Variants in CAMTA1 observed in about 807,000 individuals in gnomAD.
The protein encoded by CAMTA1 is calmodulin-binding transcription activator 1.
Under a neutral mutation model 170.9 loss-of-function variants are expected in CAMTA1, and 27 were observed. The ratio of observed to expected loss-of-function variants is 0.16; its 90% CI spans 0.12 to 0.22. The LOEUF (loss-of-function observed/expected upper bound fraction) is 0.22, where lower values mean the gene tolerates loss of function less well. Among genes scored for constraint, CAMTA1 ranks in the 10% least tolerant of loss-of-function variants. The pLI is 1.00. For missense variants in CAMTA1, 1,619 were observed against 2,217.2 expected (o/e 0.73, Z 5.42); for synonymous variants, 833 against 891.5 (o/e 0.93, Z 1.17).
intron 3 of CAMTA1, among the ~76,000 whole-genome samples, chr1:6,830,333 C>T (rs1480795925): frequency 1.4e-5 from 2 of 147,598 alleles, no homozygotes; most frequent in African/African-American, 2.5e-5. Flanking sequence ...GGTGAGCCAC[C>T]GCACCTGGCC....
At chr1:7,359,953 G>A (rs1410271090) in intron 5 of CAMTA1, among the ~76,000 whole-genome samples, 1 of 152,128 alleles carries the variant, frequency 6.6e-6, no homozygotes, top group Non-Finnish European at 1.5e-5. Context: ...GGTGTGGGCA[G>A]GGCTGGTTTC....
intron 4 of CAMTA1, among the ~76,000 whole-genome samples, chr1:7,206,197 A>G (rs1029036241): frequency 6.6e-5 from 10 of 152,152 alleles, no homozygotes; most frequent in Non-Finnish European, 1.5e-4. Flanking sequence ...TCCCACATGA[A>G]CTATAGTATC....
chr1:7,058,267 G>A (rs1444007723), intron 3 of CAMTA1, among the ~76,000 whole-genome samples: 2 of 152,200 alleles, frequency 1.3e-5, no homozygotes, highest in African/African-American at 4.8e-5. Context: ...TCCTTGCCGT[G>A]CAGATTTGTT....
At chr1:7,523,261 G>C (rs2094389609) in intron 6 of CAMTA1, among the ~76,000 whole-genome samples, 1 of 152,110 alleles carries the variant, frequency 6.6e-6, no homozygotes, top group Admixed American at 6.5e-5. Flanking sequence ...AGGTAGAGTG[G>C]GTTCTTATTT....
intron 5 of CAMTA1, among the ~76,000 whole-genome samples, chr1:7,465,050 T>C (rs1011729339): frequency 6.6e-6 from 1 of 152,162 alleles, no homozygotes; most frequent in Non-Finnish European, 1.5e-5. Flanking sequence ...AAGCCCTAAA[T>C]GTAGAGCCAT....
chr1:6,937,842 A>G (rs1346117008), intron 3 of CAMTA1, among the ~76,000 whole-genome samples: 1 of 151,498 alleles, frequency 6.6e-6, no homozygotes, highest in Non-Finnish European at 1.5e-5. Flanking sequence ...CACTGTCATC[A>G]CCATAATCAT....
chr1:7,147,535 A>T (rs1646280372), intron 4 of CAMTA1, among the ~76,000 whole-genome samples: 1 of 151,176 alleles, frequency 6.6e-6, no homozygotes, highest in Non-Finnish European at 1.5e-5. Flanking sequence ...ACACTCAAAC[A>T]TACACTATGC....
intron 11 of CAMTA1, among the ~76,000 whole-genome samples, chr1:7,711,491 A>AAACTGTACAG (rs2096570347): frequency 1.3e-5 from 2 of 152,184 alleles, no homozygotes; most frequent in South Asian, 4.1e-4. Context: ...AGTCCTAAAG[A>AAACTGTACAG]AAACACCATC....
intron 6 of CAMTA1, among the ~76,000 whole-genome samples, chr1:7,526,997 G>A (rs1457411315): frequency 6.6e-6 from 1 of 152,172 alleles, no homozygotes; most frequent in Non-Finnish European, 1.5e-5. Flanking sequence ...TGCTGAGAAG[G>A]TCTCTCCACC....
chr1:7,322,939 T>C, intron 5 of CAMTA1, among the ~76,000 whole-genome samples: 1 of 86,468 alleles, frequency 1.2e-5, no homozygotes, highest in Non-Finnish European at 2.2e-5. Flanking sequence ...CTCTTCTCTT[T>C]CTTTCCCTCC....
intron 11 of CAMTA1, among the ~76,000 whole-genome samples, chr1:7,705,620 C>G (rs1357100085): frequency 1.3e-5 from 2 of 151,940 alleles, no homozygotes; most frequent in African/African-American, 2.4e-5. Context: ...TTTTTGGGAC[C>G]CAGTGCCGCC....
chr1:7,310,599 C>CT (rs111877235), intron 5 of CAMTA1, among the ~76,000 whole-genome samples: 2 of 99,814 alleles, frequency 2.0e-5, no homozygotes, highest in Non-Finnish European at 3.9e-5. Flanking sequence ...CTTTTCTTTT[C>CT]TTTTCTTTCT....
chr1:7,499,260 AGT>A (rs1299257430), intron 6 of CAMTA1, among the ~76,000 whole-genome samples: 19 of 88,366 alleles, frequency 2.2e-4, no homozygotes, highest in Admixed American at 1.8e-3. Context: ...TACATGAGTG[AGT>A]GTGTAGAGAG....
chr1:7,450,077 C>G (rs1278488596), intron 5 of CAMTA1, among the ~76,000 whole-genome samples: 1 of 152,288 alleles, frequency 6.6e-6, no homozygotes, highest in South Asian at 2.1e-4. Flanking sequence ...GCCAGCCCAG[C>G]AGGGATGCGG....
At chr1:7,186,883 G>T (rs1438056480) in intron 4 of CAMTA1, among the ~76,000 whole-genome samples, 1 of 152,164 alleles carries the variant, frequency 6.6e-6, no homozygotes, top group Non-Finnish European at 1.5e-5. Context: ...GTGAGGTGCA[G>T]TTCAGGAGTC....
intron 3 of CAMTA1, among the ~76,000 whole-genome samples, chr1:7,032,694 C>T (rs899033743): frequency 2.0e-5 from 3 of 151,450 alleles, no homozygotes; most frequent in African/African-American, 7.3e-5. Context: ...ATTTTTTTCC[C>T]TTCTGCCTGA....
chr1:6,877,033 T>G (rs1448278288), intron 3 of CAMTA1, among the ~76,000 whole-genome samples: 1 of 152,140 alleles, frequency 6.6e-6, no homozygotes, highest in African/African-American at 2.4e-5. Flanking sequence ...GCTTCTTCGG[T>G]GCCCGCCTCC....
chr1:7,165,425 T>G (rs1363033798), intron 4 of CAMTA1, among the ~76,000 whole-genome samples: 1 of 152,124 alleles, frequency 6.6e-6, no homozygotes, highest in East Asian at 1.9e-4. Context: ...TTCACCCTCA[T>G]GCTTCTTTTC....
intron 5 of CAMTA1, among the ~76,000 whole-genome samples, chr1:7,312,991 C>CT (rs1343853321): frequency 6.6e-6 from 1 of 151,944 alleles, no homozygotes; most frequent in African/African-American, 2.4e-5. Flanking sequence ...CTCGTTACTC[C>CT]TTTTTTTCTG....
Sources: gnomAD v4.1 joint callset for allele counts (sites outside exome capture counted in the v4.1 genomes callset) on GRCh38, gnomAD v4.1.1 for gene constraint, MANE v1.5 for transcripts, NCBI Gene and HGNC (gene_info 2026-07-23, HGNC 2026-07-21) for gene names.